Variants in PKHD1L1 observed in about 807,000 individuals in gnomAD.
PKHD1L1 encodes the protein PKHD1 like 1.
In PKHD1L1, 434 loss-of-function variants were observed where a neutral mutation model predicts 462.9. That is an observed-to-expected ratio of 0.94 (90% CI 0.87 to 1.02). The LOEUF (loss-of-function observed/expected upper bound fraction) is 1.02, where lower values mean the gene tolerates loss of function less well. Ranked by LOEUF, PKHD1L1 falls within the 50% of genes least tolerant of loss-of-function variation. The pLI, the probability that PKHD1L1 is intolerant of heterozygous loss-of-function variation, is 0.00. For synonymous variants in PKHD1L1, 1,781 were observed against 1,750.0 expected, an observed-to-expected ratio of 1.02 and a Z score of -0.44; for missense variants, 5,202 against 5,096.1, an observed-to-expected ratio of 1.02 and a Z score of -0.63.
chr8:109,442,820 C>A, intron 35 of PKHD1L1, 126 bp from the exon 36 acceptor site: 2 of 869,864 alleles, frequency 2.3e-6, no homozygotes, highest in South Asian at 3.8e-5. Flanking sequence ...ACATTTCATA[C>A]ACATGAAAAA....
rs1819585766 is a variant in PKHD1L1, at chr8:109,504,373, T to C, written c.10875T>C (p.Asn3625=). The C allele has an allele frequency of 6.6e-7, 1 of 1,511,496 alleles. No individual in the cohort carries two copies. The highest frequency in any genetic ancestry group is 9.0e-7 in the Non-Finnish European group (1 of 1,114,432). 93.6% of individuals were successfully genotyped at this position (1,511,496 alleles called of 1,614,324 possible). ...GFKNVCSGET[N]VIFITNPLNE... ...AGAATGTTTGTTCAGGGGAAACTAA[T>C]GTTATATTCATTACTAACCCTTTAA... Residue 3625 remains asparagine, a synonymous_variant, in exon 68 of 78, where the codon AAT becomes AAC. Transcript: ENST00000378402.
chr8:109,442,950 A>ATTT lies in PKHD1L1; in HGVS notation c.4400_4402dup (p.Phe1467dup). On this transcript the variant is annotated inframe_insertion, in exon 36 of 78. Coordinates refer to ENST00000378402, the MANE Select transcript of PKHD1L1 (RefSeq NM_177531.6). ...TACAATCTCATTTTATGGCAGGTTC[A>ATTT]TTTTCTTACCAATTTACTTCTCCTG... The ATTT allele has an allele frequency of 4.4e-6, 7 of 1,594,136 alleles. No homozygotes were observed. The highest frequency in any genetic ancestry group is 1.1e-5 in the South Asian group (1 of 88,844).
chr8:109,452,885 GA>G lies in PKHD1L1; in HGVS notation c.6664+13del. 14 of 1,392,234 alleles carry G rather than the reference GA, an allele frequency of 1.0e-5. No homozygotes were observed. Among genetic ancestry groups the G allele is most frequent in the Non-Finnish European group, 1.3e-5 (14 of 1,062,170 alleles). 86.2% of individuals were successfully genotyped at this position (1,392,234 alleles called of 1,614,324 possible). ...TGTTGCTTATTCAGGGTAAATTTCT[GA>G]ATATCTGTTCATTGGACTCTGCCTG... On this transcript the variant is annotated intron_variant, in intron 43 of 77. Transcript: ENST00000378402.
chr8:109,464,985 T>C lies in PKHD1L1; in HGVS notation c.8153T>C (p.Met2718Thr). 6.2e-7 allele frequency: 1 copy of C among 1,613,838 alleles called. No homozygotes were observed. Among genetic ancestry groups the C allele is most frequent in the African/African-American group, 1.3e-5 (1 of 75,030 alleles). Reference sequence around the variant, plus strand: ...GTCGGCCATCTTGATGAACTGGGAATGGGGTCTGCATTTTGCACAGCAAAA... The same window carrying C: ...GTCGGCCATCTTGATGAACTGGGAACGGGGTCTGCATTTTGCACAGCAAAA... ...KIVGHLDELG[M>T]GSAFCTAKGL... Residue 2718 changes from methionine (M) to threonine (T), a missense_variant, in exon 49 of 78, where the codon ATG (methionine) becomes ACG (threonine). Physicochemically the swap from Met to Thr is moderately conservative, Grantham distance 81. Coordinates refer to ENST00000378402, the MANE Select transcript of PKHD1L1 (RefSeq NM_177531.6).
intron 42 of PKHD1L1, 67 bp downstream of exon 42, chr8:109,452,347 T>A (rs139793069): frequency 4.4e-5 from 59 of 1,338,778 alleles, no homozygotes; most frequent in Non-Finnish European, 5.6e-5. Flanking sequence ...GTGGGCTAAT[T>A]GGTAATTGTT....
At chr8:109,508,807 G>T (rs1586644275) in intron 70 of PKHD1L1, among the ~76,000 whole-genome samples, 1 of 152,182 alleles carries the variant, frequency 6.6e-6, no homozygotes, top group Admixed American at 6.5e-5. Context: ...CTAGCATCAG[G>T]TTTCTTCCAT....
intron 8 of PKHD1L1, among the ~76,000 whole-genome samples, chr8:109,389,728 A>G (rs534129242): frequency 6.6e-6 from 1 of 152,060 alleles, no homozygotes; most frequent in Non-Finnish European, 1.5e-5. Flanking sequence ...GGGTTTTGCC[A>G]TATTGGTCAG....
Position 109,405,031 on chromosome 8 carries a change from A to G in PKHD1L1, c.1570A>G (p.Ile524Val). ...GGAAAACTGGGAAACAACTAATGCA[A>G]TTAATGAGGTTCAGAAGATCAAGGT... ...TLENWETTNA[I>V]NEVQKIKVTS... The change falls in exon 16 of 78, where the codon ATT becomes GTT. Residue 524 changes from isoleucine to valine, a missense_variant. Coordinates refer to ENST00000378402, the MANE Select transcript of PKHD1L1 (RefSeq NM_177531.6). 6.5e-7 allele frequency: 1 copy of G among 1,529,562 alleles called. No individual in the cohort carries two copies. The highest frequency in any genetic ancestry group is 1.2e-5 in the South Asian group (1 of 81,080). The allele number at this position is 1,529,562 out of a possible 1,614,324, so 94.7% of individuals were successfully genotyped here. A position where few individuals can be genotyped will look rare whatever the true frequency, so the allele number is the denominator to read the frequency against.
intron 77 of PKHD1L1, among the ~76,000 whole-genome samples, chr8:109,528,093 G>A (rs570718206): frequency 3.3e-5 from 5 of 152,224 alleles, no homozygotes; most frequent in South Asian, 2.1e-4. Flanking sequence ...AAAGGGAGAC[G>A]TCCCTATATG....
In PKHD1L1 at chr8:109,522,859, A is replaced by C. The variant is rs769262036; in HGVS notation, c.12299A>C (p.Gln4100Pro). ...VAAQPGQPFP[Q>P]QPSVKATDSD... ...GCACAGCCAGGACAGCCATTTCCTCAGCAGCCTTCGGTAAAGGCAACAGAT... is the reference window on the plus strand; with the variant it reads ...GCACAGCCAGGACAGCCATTTCCTCCGCAGCCTTCGGTAAAGGCAACAGAT... The change falls in exon 75 of 78, where the codon CAG becomes CCG. Residue 4100 changes from glutamine to proline, a missense_variant. By Grantham distance (76) the Gln-to-Pro change is moderately conservative. Coordinates refer to ENST00000378402, the MANE Select transcript of PKHD1L1 (RefSeq NM_177531.6). The C allele has an allele frequency of 3.3e-5, 53 of 1,610,638 alleles. 2 individuals carry two copies. In the South Asian group the frequency reaches 5.6e-4, roughly 17 times the overall value.
chr8:109,453,918 G>C (rs532401997), intron 43 of PKHD1L1, among the ~76,000 whole-genome samples: 1 of 152,204 alleles, frequency 6.6e-6, no homozygotes, highest in South Asian at 2.1e-4. Context: ...ATGTTCAAGG[G>C]AAAATAATCT....
chr8:109,497,299 G>A (rs1354135626), intron 65 of PKHD1L1, 27 bp downstream of exon 65: 2 of 1,599,082 alleles, frequency 1.3e-6, no homozygotes, highest in South Asian at 1.1e-5. Flanking sequence ...GCCACACCAT[G>A]GAGAAAAAAA....
chr8:109,451,943 CT>C lies in PKHD1L1; in HGVS notation c.6351-174del, dbSNP rs535011138. ...TCTGGACTCTTAACCTCTTTGTTTA[CT>C]TTTTTTCAATAAATATTTTGAAGTC... On this transcript the variant is annotated intron_variant, in intron 41 of 77. Transcript: ENST00000378402. 9.9e-4 allele frequency among the ~76,000 whole-genome samples: 150 copies of C among 152,044 alleles called. 1 individual carries two copies. Among genetic ancestry groups the C allele is most frequent in the South Asian group, 1.7e-3 (8 of 4,822 alleles).
At chr8:109,424,588 C>T (rs955413829) in intron 23 of PKHD1L1, among the ~76,000 whole-genome samples, 3 of 152,122 alleles carry the variant, frequency 2.0e-5, no homozygotes, top group Admixed American at 2.0e-4. Context: ...AATTGATTAG[C>T]ACTGAACATT....
chr8:109,383,283 A>G (rs1455125020), intron 4 of PKHD1L1, among the ~76,000 whole-genome samples: 8 of 98,966 alleles, frequency 8.1e-5, no homozygotes, highest in African/African-American at 2.7e-4. Flanking sequence ...TAATAGAATT[A>G]TATATTATGT....
At chr8:109,479,293 T>C (rs752210252) in intron 53 of PKHD1L1, among the ~76,000 whole-genome samples, 13 of 152,124 alleles carry the variant, frequency 8.5e-5, no homozygotes, top group Non-Finnish European at 1.2e-4. Context: ...AGGGGCTTAA[T>C]GGCATTGGTG....
intron 38 of PKHD1L1, 66 bp from the exon 39 acceptor site, chr8:109,448,077 T>C: frequency 7.4e-7 from 1 of 1,349,578 alleles, no homozygotes. Context: ...TAAAGAGGTA[T>C]ATCTTTAAAT....
chr8:109,378,369 C>A (rs1811943272), intron 2 of PKHD1L1, among the ~76,000 whole-genome samples: 1 of 152,168 alleles, frequency 6.6e-6, no homozygotes, highest in Admixed American at 6.5e-5. Context: ...TTAAAAATAA[C>A]CTAAGTGCCT....
chr8:109,374,514 T>C (rs1321034694), intron 2 of PKHD1L1, among the ~76,000 whole-genome samples: 1 of 152,182 alleles, frequency 6.6e-6, no homozygotes, highest in Non-Finnish European at 1.5e-5. Context: ...AAGGTTTATA[T>C]TGTTATGTGT....
Sources: gnomAD v4.1 joint callset for allele counts (sites outside exome capture counted in the v4.1 genomes callset) on GRCh38, gnomAD v4.1.1 for gene constraint, MANE v1.5 for transcripts, NCBI Gene and HGNC (gene_info 2026-07-23, HGNC 2026-07-21) for gene names.